Variants in COL24A1 observed in about 807,000 individuals in gnomAD.
The protein encoded by COL24A1 is collagen alpha-1(XXIV) chain.
COL24A1 carries 224 observed loss-of-function variants against 253.9 expected under a neutral mutation model. The ratio of observed to expected loss-of-function variants is 0.88; its 90% CI spans 0.79 to 0.99. The LOEUF is 0.99. Ranked by LOEUF, COL24A1 falls within the 50% of genes least tolerant of loss-of-function variation. COL24A1 has a pLI of 0.00. For synonymous variants in COL24A1, 685 were observed against 673.7 expected (o/e 1.02, Z -0.26); for missense variants, 2,131 against 2,068.5 (o/e 1.03, Z -0.59).
intron 2 of COL24A1, among the ~76,000 whole-genome samples, chr1:86,138,526 T>A (rs1650589869): frequency 6.6e-6 from 1 of 152,164 alleles, no homozygotes; most frequent in South Asian, 2.1e-4. Flanking sequence ...TTTCACTAGA[T>A]CTGATGGTTT....
chr1:85,756,057 CAAAAAAAAAAA>C (rs200030128), intron 55 of COL24A1, among the ~76,000 whole-genome samples: 2 of 95,828 alleles, frequency 2.1e-5, no homozygotes, highest in Admixed American at 1.2e-4. Flanking sequence ...TACTAACAAC[CAAAAAAAAAAA>C]AAAAAAAAAA....
intron 2 of COL24A1, among the ~76,000 whole-genome samples, chr1:86,141,874 T>C (rs1651140660): frequency 6.6e-6 from 1 of 152,188 alleles, no homozygotes; most frequent in East Asian, 1.9e-4. Flanking sequence ...CTAATGTTTT[T>C]GTATTTTCCA....
In COL24A1 at chr1:86,052,458, C is replaced by T. The variant is rs148639087; in HGVS notation, c.1852-2281G>A. Among the ~76,000 whole-genome samples, 382 of 152,136 alleles carry T rather than the reference C, an allele frequency of 2.5e-3. 10 individuals carry two copies. The East Asian group carries it at 0.046, about 18-fold the overall frequency. On this transcript the variant is annotated intron_variant, in intron 10 of 59. Transcript: ENST00000370571. ...CATAGATGGACCTTAAAGACAATTA[C>T]GCTAAGTGCAGTAAGCCAGTCACAA... is the stretch of plus-strand genomic sequence containing the variant.
At chr1:85,735,065 A>G (rs1407603006) in intron 58 of COL24A1, 101 bp from the exon 59 acceptor site, 8 of 1,072,868 alleles carry the variant, frequency 7.5e-6, no homozygotes, top group Non-Finnish European at 1.1e-5. Flanking sequence ...AGCCTCCAGA[A>G]AGCTCCTTTC....
chr1:85,901,185 C>T (rs1440062284), intron 28 of COL24A1, among the ~76,000 whole-genome samples: 1 of 152,020 alleles, frequency 6.6e-6, no homozygotes, highest in Non-Finnish European at 1.5e-5. Flanking sequence ...ATCCAGAATA[C>T]ACAAGGAACT....
At chr1:85,743,408 A>C (rs1664857901) in intron 57 of COL24A1, among the ~76,000 whole-genome samples, 1 of 152,094 alleles carries the variant, frequency 6.6e-6, no homozygotes, top group South Asian at 2.1e-4. Flanking sequence ...ATATCACCCA[A>C]GTGTCACATT....
At chr1:85,940,898 T>C (rs1688701748) in intron 24 of COL24A1, among the ~76,000 whole-genome samples, 1 of 152,218 alleles carries the variant, frequency 6.6e-6, no homozygotes, top group Non-Finnish European at 1.5e-5. Context: ...ACTTGTGCTG[T>C]ACTCCCTGCA....
intron 2 of COL24A1, among the ~76,000 whole-genome samples, chr1:86,141,817 T>C (rs980111663): frequency 1.1e-4 from 17 of 151,922 alleles, no homozygotes; most frequent in African/African-American, 4.1e-4. Context: ...TCTTCTGCCT[T>C]AGCCTCCCAA....
rs147516626 is a variant in COL24A1 at position 86,017,211 on chromosome 1, T to TG, written c.2257-8dup. ...CTGGGTCACCTGTTTGGCCCTAAAA[T>TG]GGGGGGGGAGGATCAAAGTATAAAC... On this transcript the variant is annotated splice_region_variant and splice_polypyrimidine_tract_variant and intron_variant, in intron 18 of 59. Transcript: ENST00000370571. 774 of 1,541,992 alleles carry TG rather than the reference T, an allele frequency of 5.0e-4. 4 individuals are homozygous for TG. The highest frequency in any genetic ancestry group is 2.3e-3 in the South Asian group (185 of 81,820).
chr1:86,054,981 A>G (rs948107369), intron 10 of COL24A1, among the ~76,000 whole-genome samples: 3 of 152,130 alleles, frequency 2.0e-5, no homozygotes, highest in Non-Finnish European at 2.9e-5. Flanking sequence ...ACAAAATCCT[A>G]TCCTTTGCAG....
At chr1:86,064,736 TGA>T (rs1170193561) in intron 7 of COL24A1, among the ~76,000 whole-genome samples, 2 of 152,164 alleles carry the variant, frequency 1.3e-5, no homozygotes, top group Non-Finnish European at 2.9e-5. Context: ...TATTAATCAC[TGA>T]GGGTTTATCA....
chr1:86,000,040 G>A (rs2101044314), intron 19 of COL24A1, among the ~76,000 whole-genome samples: 1 of 152,260 alleles, frequency 6.6e-6, no homozygotes, highest in South Asian at 2.1e-4. Context: ...ACCCACTCCT[G>A]TAAATCCACC....
At chr1:85,863,167 G>T (rs1679358539) in intron 37 of COL24A1, among the ~76,000 whole-genome samples, 1 of 152,190 alleles carries the variant, frequency 6.6e-6, no homozygotes, top group Non-Finnish European at 1.5e-5. Flanking sequence ...CATTGATTTT[G>T]TATGCTGAGA....
At chr1:85,897,390 G>A (rs1053301465) in intron 28 of COL24A1, among the ~76,000 whole-genome samples, 3 of 150,498 alleles carry the variant, frequency 2.0e-5, no homozygotes, top group South Asian at 2.1e-4. Context: ...TCCTGTACAC[G>A]TACCCCTGAA....
intron 19 of COL24A1, among the ~76,000 whole-genome samples, chr1:85,994,223 A>G (rs1694556854): frequency 6.6e-6 from 1 of 152,028 alleles, no homozygotes; most frequent in South Asian, 2.1e-4. Flanking sequence ...TAATAAAGGC[A>G]ACATGTAAAT....
chr1:85,877,375 T>C (rs1406205326), intron 32 of COL24A1, among the ~76,000 whole-genome samples, 200 bp from the exon 33 acceptor site: 1 of 152,212 alleles, frequency 6.6e-6, no homozygotes, highest in Non-Finnish European at 1.5e-5. Context: ...TGTGTTTTTG[T>C]TTTTGAGACT....
Position 85,877,166 on chromosome 1 carries a change from C to G in COL24A1, c.2986G>C (p.Gly996Arg). 2 of 1,600,922 alleles carry G rather than the reference C, an allele frequency of 1.2e-6. No homozygotes were observed. The highest frequency in any genetic ancestry group is 1.7e-6 in the Non-Finnish European group (2 of 1,174,384). The part of the protein sequence containing the change: ...RGLPGEPGLR[G>R]LQGDVGPPGE... ...GGAGGTCCAACATCACCTTGCAGTC[C>G]TCGCAGTCCCTATATTAAAATAAAA... The change falls in exon 33 of 60, where the codon GGA (glycine) becomes CGA (arginine). Residue 996 changes from glycine (G) to arginine (R), a missense_variant. Physicochemically the swap from Gly to Arg is moderately radical, Grantham distance 125 (BLOSUM62 -2). Coordinates refer to ENST00000370571, the MANE Select transcript of COL24A1 (RefSeq NM_152890.7).
rs1277881176 is a variant in COL24A1 at position 86,031,924 on chromosome 1, T to C, written c.2005-2A>G. 6.2e-7 allele frequency: 1 copy of C among 1,608,164 alleles called. No homozygotes were observed. The highest frequency in any genetic ancestry group is 8.5e-7 in the Non-Finnish European group (1 of 1,177,002). On this transcript the variant is annotated splice_acceptor_variant, in intron 13 of 59. Coordinates refer to ENST00000370571, the MANE Select transcript of COL24A1 (RefSeq NM_152890.7). LOFTEE classifies it high-confidence loss of function. The stretch of plus-strand genomic sequence containing the variant: ...AGGACCAGTGCCACCTACAAGTCCC[T>C]ATTGTAAAAGAAATTTGCAATACTT...
intron 1 of COL24A1, among the ~76,000 whole-genome samples, chr1:86,153,799 T>C (rs975451621): frequency 6.6e-6 from 1 of 152,036 alleles, no homozygotes; most frequent in Non-Finnish European, 1.5e-5. Flanking sequence ...GTTATAAAAG[T>C]CTTTAATTAC....
Sources: gnomAD v4.1 joint callset for allele counts (sites outside exome capture counted in the v4.1 genomes callset) on GRCh38, gnomAD v4.1.1 for gene constraint, MANE v1.5 for transcripts, NCBI Gene and HGNC (gene_info 2026-07-23, HGNC 2026-07-21) for gene names.